ADAMTSL1: variants seen among roughly 807,000 people sequenced by gnomAD.
The protein encoded by ADAMTSL1 is ADAMTS-like protein 1.
Under a neutral mutation model 201.8 loss-of-function variants are expected in ADAMTSL1, and 126 were observed. The ratio of observed to expected loss-of-function variants is 0.62; its 90% CI spans 0.54 to 0.72. The LOEUF is 0.72. Ranked by LOEUF, ADAMTSL1 falls within the 30% of genes least tolerant of loss-of-function variation. ADAMTSL1 has a pLI of 0.00. For missense variants in ADAMTSL1, 2,679 were observed against 2,277.8 expected (o/e 1.18, Z -3.59); for synonymous variants, 1,121 against 903.4 (o/e 1.24, Z -4.32).
chr9:18,551,570 A>G (rs936414435), intron 3 of ADAMTSL1, among the ~76,000 whole-genome samples: 11 of 148,336 alleles, frequency 7.4e-5, no homozygotes, highest in African/African-American at 2.2e-4. Flanking sequence ...TTTTAAGTCT[A>G]CATGCAGTAT....
intron 1 of ADAMTSL1, among the ~76,000 whole-genome samples, chr9:18,139,138 T>G (rs180734218): frequency 3.5e-4 from 54 of 152,296 alleles, no homozygotes; most frequent in Admixed American, 3.3e-3. Context: ...ACTGATTGAT[T>G]CAGCAAACCT....
intron 2 of ADAMTSL1, among the ~76,000 whole-genome samples, chr9:18,299,364 A>G (rs955432450): frequency 1.3e-5 from 2 of 152,234 alleles, no homozygotes; most frequent in Non-Finnish European, 2.9e-5. Flanking sequence ...AAAGTATTTC[A>G]TATCTTATTT....
At chr9:18,157,851 T>C (rs1023705686) in intron 1 of ADAMTSL1, among the ~76,000 whole-genome samples, 5 of 152,036 alleles carry the variant, frequency 3.3e-5, no homozygotes, top group East Asian at 1.9e-4. Context: ...GCTAATCAGC[T>C]TGCAGAGTTG....
rs539328359 is a variant in ADAMTSL1 at position 18,295,634 on chromosome 9, G to A, written c.207+131653G>A. ...ATTACAGGCATGAGCCACGGTGCCC[G>A]GCTGCAACTGTTATTCTTAATCACT... On this transcript the variant is annotated intron_variant, in intron 2 of 29. Transcript: ENST00000680146. 3.9e-5 allele frequency among the ~76,000 whole-genome samples: 6 copies of A among 152,264 alleles called. No homozygotes were observed. The East Asian group carries it at 5.8e-4, about 15-fold the overall frequency.
chr9:18,614,888 A>AT (rs201702549), intron 4 of ADAMTSL1, among the ~76,000 whole-genome samples: 32 of 150,022 alleles, frequency 2.1e-4, no homozygotes, highest in Middle Eastern at 3.5e-3. Context: ...GGAGCCCTTT[A>AT]TTTTTTTTTT....
intron 13 of ADAMTSL1, among the ~76,000 whole-genome samples, chr9:18,700,297 G>A (rs989481005): frequency 4.6e-5 from 7 of 151,974 alleles, no homozygotes; most frequent in Non-Finnish European, 8.8e-5. Context: ...TTATTTTAGA[G>A]GGTTTATTTA....
At chr9:18,762,232 C>T (rs1820111574) in intron 16 of ADAMTSL1, among the ~76,000 whole-genome samples, 1 of 152,082 alleles carries the variant, frequency 6.6e-6, no homozygotes, top group South Asian at 2.1e-4. Context: ...GGCACATAAA[C>T]AATGAGCCCT....
chr9:18,209,424 A>G (rs1028149861), intron 2 of ADAMTSL1, among the ~76,000 whole-genome samples: 2 of 152,196 alleles, frequency 1.3e-5, no homozygotes, highest in Non-Finnish European at 2.9e-5. Context: ...ACCCAGAGCT[A>G]TGTGAACACT....
chr9:18,244,605 A>G (rs1312802704), intron 2 of ADAMTSL1, among the ~76,000 whole-genome samples: 1 of 151,528 alleles, frequency 6.6e-6, no homozygotes, highest in African/African-American at 2.4e-5. Context: ...TCAAGCATGA[A>G]CTCATTTATT....
chr9:17,933,113 A>G (rs1021515927), intron 1 of ADAMTSL1, among the ~76,000 whole-genome samples: 73 of 152,236 alleles, frequency 4.8e-4, no homozygotes, highest in African/African-American at 1.7e-3. Flanking sequence ...ACAAGAAAAA[A>G]TTATTTTCAG....
chr9:18,517,989 C>A (rs944840212), intron 2 of ADAMTSL1, among the ~76,000 whole-genome samples: 1 of 152,056 alleles, frequency 6.6e-6, no homozygotes, highest in African/African-American at 2.4e-5. Flanking sequence ...TTTGTTCTTT[C>A]CTTCCCTCCT....
intron 15 of ADAMTSL1, among the ~76,000 whole-genome samples, chr9:18,741,953 T>C (rs1260665788): frequency 6.6e-6 from 1 of 152,176 alleles, no homozygotes; most frequent in African/African-American, 2.4e-5. Context: ...TCCTTGCAAT[T>C]TGATTGGATT....
chr9:18,244,410 T>A (rs1247529348), intron 2 of ADAMTSL1, among the ~76,000 whole-genome samples: 1 of 152,130 alleles, frequency 6.6e-6, no homozygotes, highest in East Asian at 1.9e-4. Context: ...CAACCTCTGA[T>A]ATGATACATC....
chr9:18,691,873 T>C (rs1000681037), intron 13 of ADAMTSL1, among the ~76,000 whole-genome samples: 1 of 152,220 alleles, frequency 6.6e-6, no homozygotes, highest in Non-Finnish European at 1.5e-5. Flanking sequence ...GTGCTATGTA[T>C]ATAAATTTTT....
intron 2 of ADAMTSL1, among the ~76,000 whole-genome samples, chr9:18,286,949 A>C (rs1833013378): frequency 6.6e-6 from 1 of 152,212 alleles, no homozygotes; most frequent in South Asian, 2.1e-4. Context: ...AATCTATTAA[A>C]AACAACTTAA....
chr9:18,813,907 A>G (rs1363451482), intron 20 of ADAMTSL1, among the ~76,000 whole-genome samples: 1 of 152,192 alleles, frequency 6.6e-6, no homozygotes, highest in African/African-American at 2.4e-5. Flanking sequence ...AGAGGAAAAA[A>G]TTTCAGTTAT....
At chr9:18,071,758 C>T (rs534534405) in intron 1 of ADAMTSL1, among the ~76,000 whole-genome samples, 2 of 152,300 alleles carry the variant, frequency 1.3e-5, no homozygotes, top group South Asian at 2.1e-4. Context: ...GTGCCCATAC[C>T]TCAGAGTACA....
At chr9:18,235,793 C>T (rs897745609) in intron 2 of ADAMTSL1, among the ~76,000 whole-genome samples, 1 of 152,124 alleles carries the variant, frequency 6.6e-6, no homozygotes, top group Non-Finnish European at 1.5e-5. Flanking sequence ...GCTCAAGATA[C>T]AGTAGAAAGG....
At chr9:18,375,281 G>T (rs12337847) in intron 2 of ADAMTSL1, among the ~76,000 whole-genome samples, 13,475 of 152,220 alleles carry the variant, frequency 0.089, 792 homozygotes, top group East Asian at 0.21. Context: ...TTTTTCTATG[G>T]ATTATTACCT....
Sources: gnomAD v4.1 joint callset for allele counts (sites outside exome capture counted in the v4.1 genomes callset) on GRCh38, gnomAD v4.1.1 for gene constraint, MANE v1.5 for transcripts, NCBI Gene and HGNC (gene_info 2026-07-23, HGNC 2026-07-21) for gene names.